Variants in C8orf34 observed in about 807,000 individuals in gnomAD.
C8orf34 encodes uncharacterized protein C8orf34.
C8orf34 carries 65 observed loss-of-function variants against 68.3 expected under a neutral mutation model. That is an observed-to-expected ratio of 0.95 (90% CI 0.78 to 1.17). The LOEUF (loss-of-function observed/expected upper bound fraction) is 1.17. C8orf34 is among the 50% of genes most tolerant of loss of function. C8orf34 has a pLI of 0.00. For missense variants in C8orf34, 664 were observed against 655.4 expected, an observed-to-expected ratio of 1.01 and a Z score of -0.14; for synonymous variants, 244 against 241.2, an observed-to-expected ratio of 1.01 and a Z score of -0.11.
chr8:68,731,748 T>C (rs1821985222), intron 10 of C8orf34, among the ~76,000 whole-genome samples: 1 of 152,236 alleles, frequency 6.6e-6, no homozygotes, highest in African/African-American at 2.4e-5. Flanking sequence ...TTAGTACCAA[T>C]TAGACCAAGT....
intron 9 of C8orf34, among the ~76,000 whole-genome samples, chr8:68,709,828 G>A (rs910796897): frequency 1.3e-5 from 2 of 152,104 alleles, no homozygotes; most frequent in Admixed American, 6.5e-5. Flanking sequence ...AATGTTTGTT[G>A]TATATGTAAA....
intron 5 of C8orf34, among the ~76,000 whole-genome samples, chr8:68,501,908 C>T (rs181760321): frequency 2.2e-4 from 33 of 152,206 alleles, no homozygotes; most frequent in Admixed American, 2.1e-3. Flanking sequence ...AAAGATCAGT[C>T]AATTTTGTTG....
At chr8:68,789,598 C>T (rs965406999) in intron 12 of C8orf34, among the ~76,000 whole-genome samples, 7 of 152,052 alleles carry the variant, frequency 4.6e-5, no homozygotes, top group Non-Finnish European at 1.0e-4. Flanking sequence ...TAATTTTCTT[C>T]TCTTCTACTA....
intron 1 of C8orf34, among the ~76,000 whole-genome samples, chr8:68,335,815 C>T (rs535367677): frequency 3.9e-5 from 6 of 152,126 alleles, no homozygotes; most frequent in Non-Finnish European, 5.9e-5. Flanking sequence ...CATGGTGGTT[C>T]ATGCCTGTAG....
chr8:68,499,311 A>G (rs1158774476), intron 5 of C8orf34, among the ~76,000 whole-genome samples: 1 of 152,224 alleles, frequency 6.6e-6, no homozygotes, highest in African/African-American at 2.4e-5. Context: ...CAGAAATCAA[A>G]GATACATTCA....
intron 1 of C8orf34, among the ~76,000 whole-genome samples, chr8:68,422,939 G>C (rs1810044018): frequency 6.6e-6 from 1 of 152,182 alleles, no homozygotes; most frequent in East Asian, 1.9e-4. Flanking sequence ...GCTATACCTT[G>C]GCCCCTTTTA....
intron 7 of C8orf34, among the ~76,000 whole-genome samples, chr8:68,571,506 G>C (rs1376795844): frequency 2.0e-5 from 3 of 152,102 alleles, no homozygotes; most frequent in Non-Finnish European, 4.4e-5. Flanking sequence ...AGAACCCACA[G>C]TCTGTAAGAT....
intron 5 of C8orf34, among the ~76,000 whole-genome samples, chr8:68,498,776 A>T (rs1284345842): frequency 6.6e-6 from 1 of 152,214 alleles, no homozygotes. Flanking sequence ...TTCTTTTAAA[A>T]AATAAAATGC....
intron 7 of C8orf34, among the ~76,000 whole-genome samples, chr8:68,622,135 C>A (rs1818405156): frequency 6.6e-6 from 1 of 152,230 alleles, no homozygotes; most frequent in Non-Finnish European, 1.5e-5. Context: ...TGGCCAGAGG[C>A]CACCTTCAGT....
intron 1 of C8orf34, among the ~76,000 whole-genome samples, chr8:68,357,759 G>C (rs993124437): frequency 6.6e-6 from 1 of 152,168 alleles, no homozygotes; most frequent in African/African-American, 2.4e-5. Context: ...TTTGTCTAAG[G>C]AAGAATGTTG....
chr8:68,516,642 A>G (rs544792250), intron 5 of C8orf34, among the ~76,000 whole-genome samples: 56 of 151,496 alleles, frequency 3.7e-4, no homozygotes, highest in South Asian at 8.3e-4. Flanking sequence ...TTATTTATTT[A>G]TTTATTTTTT....
intron 8 of C8orf34, among the ~76,000 whole-genome samples, chr8:68,659,794 G>A (rs1317292405): frequency 6.6e-6 from 1 of 151,900 alleles, no homozygotes; most frequent in East Asian, 1.9e-4. Flanking sequence ...CATGAGTCCT[G>A]TACATTTTTC....
intron 5 of C8orf34, among the ~76,000 whole-genome samples, chr8:68,511,927 T>C (rs1312795154): frequency 6.6e-6 from 1 of 152,234 alleles, no homozygotes; most frequent in Admixed American, 6.5e-5. Flanking sequence ...GCTTTCTGAT[T>C]TTAGTCCATT....
intron 4 of C8orf34, among the ~76,000 whole-genome samples, chr8:68,480,195 G>C (rs962417420): frequency 1.3e-5 from 2 of 152,126 alleles, no homozygotes; most frequent in Admixed American, 1.3e-4. Flanking sequence ...CTTTTCCTGT[G>C]CTATTCTCAT....
intron 10 of C8orf34, among the ~76,000 whole-genome samples, chr8:68,774,561 A>G (rs1823451480): frequency 6.6e-6 from 1 of 151,970 alleles, no homozygotes; most frequent in African/African-American, 2.4e-5. Flanking sequence ...CATTTAAACT[A>G]CGGCATATTA....
intron 8 of C8orf34, among the ~76,000 whole-genome samples, chr8:68,651,945 A>C (rs1480837425): frequency 6.6e-6 from 1 of 152,200 alleles, no homozygotes; most frequent in Non-Finnish European, 1.5e-5. Flanking sequence ...TATGCACTCA[A>C]TTTTCAGGTA....
At chr8:68,529,844 G>A (rs939721658) in intron 6 of C8orf34, among the ~76,000 whole-genome samples, 2 of 152,018 alleles carry the variant, frequency 1.3e-5, no homozygotes. Context: ...TCAAGATACA[G>A]TATATATTAA....
intron 7 of C8orf34, among the ~76,000 whole-genome samples, chr8:68,546,638 A>T (rs943638153): frequency 2.6e-5 from 4 of 151,854 alleles, no homozygotes; most frequent in African/African-American, 9.7e-5. Context: ...TTTACAGTAG[A>T]TTGAAATTTA....
At chr8:68,347,899 C>T (rs982921082) in intron 1 of C8orf34, among the ~76,000 whole-genome samples, 31 of 151,898 alleles carry the variant, frequency 2.0e-4, no homozygotes, top group African/African-American at 6.5e-4. Context: ...ATTTTCTCCC[C>T]GCTCTGTAGG....
Sources: gnomAD v4.1 joint callset for allele counts (sites outside exome capture counted in the v4.1 genomes callset) on GRCh38, gnomAD v4.1.1 for gene constraint, MANE v1.5 for transcripts, NCBI Gene and HGNC (gene_info 2026-07-23, HGNC 2026-07-21) for gene names.